The following FAM227B variants were observed in gnomAD, a reference collection of about 807,000 sequenced individuals.
The protein encoded by FAM227B is family with sequence similarity 227 member B.
In FAM227B, 88 loss-of-function variants were observed where a neutral mutation model predicts 73.8. The ratio of observed to expected loss-of-function variants is 1.19; its 90% CI spans 1.00 to 1.42. The LOEUF (loss-of-function observed/expected upper bound fraction) is 1.42, where lower values mean the gene tolerates loss of function less well. FAM227B is among the 40% of genes most tolerant of loss of function. The pLI is 0.00. For missense variants in FAM227B, 632 were observed against 590.9 expected (o/e 1.07, Z -0.72); for synonymous variants, 210 against 190.5 (o/e 1.10, Z -0.84).
At chr15:49,419,464 A>G (rs1429711914) in intron 11 of FAM227B, among the ~76,000 whole-genome samples, 1 of 152,180 alleles carries the variant, frequency 6.6e-6, no homozygotes, top group Non-Finnish European at 1.5e-5. Context: ...TATCTTTTTG[A>G]AAATATGAAG....
Position 49,328,482 on chromosome 15 carries a change from A to T in FAM227B, c.*86T>A. On this transcript the variant is annotated 3_prime_UTR_variant, in exon 16 of 16. Coordinates refer to ENST00000299338, the MANE Select transcript of FAM227B (RefSeq NM_152647.3). ...TCTTAATACTGATTACATGGATTGG[A>T]CTTGAATTAAATATATTGTTACAAT... 1 of 1,554,198 alleles carries T rather than the reference A, an allele frequency of 6.4e-7. No individual in the cohort carries two copies. Among genetic ancestry groups the T allele is most frequent in the Non-Finnish European group, 8.7e-7 (1 of 1,148,420 alleles).
chr15:49,474,546 A>G (rs1366658160), intron 11 of FAM227B, among the ~76,000 whole-genome samples: 12 of 152,216 alleles, frequency 7.9e-5, no homozygotes, highest in Admixed American at 7.2e-4. Flanking sequence ...GAGAGGCATC[A>G]GTAAAAAAAG....
At chr15:49,585,386 T>C (rs1808613491) in intron 5 of FAM227B, among the ~76,000 whole-genome samples, 1 of 152,198 alleles carries the variant, frequency 6.6e-6, no homozygotes, top group African/African-American at 2.4e-5. Context: ...TAAAGACACA[T>C]GCACACGTAT....
intron 13 of FAM227B, among the ~76,000 whole-genome samples, chr15:49,336,691 T>A (rs2039772548): frequency 6.6e-6 from 1 of 152,252 alleles, no homozygotes; most frequent in African/African-American, 2.4e-5. Context: ...CCTTGGTAAG[T>A]ACTTTCTAAA....
At chr15:49,605,540 A>C (rs532724267) in intron 3 of FAM227B, among the ~76,000 whole-genome samples, 1 of 151,636 alleles carries the variant, frequency 6.6e-6, no homozygotes, top group South Asian at 2.1e-4. Context: ...GTGGGCCTCG[A>C]ATCTGTTTTG....
chr15:49,585,572 C>G (rs1359689531), intron 5 of FAM227B, among the ~76,000 whole-genome samples: 1 of 152,128 alleles, frequency 6.6e-6, no homozygotes, highest in African/African-American at 2.4e-5. Context: ...AACCATCATT[C>G]TCAGCAAACT....
chr15:49,525,564 A>T (rs897951135), intron 10 of FAM227B, among the ~76,000 whole-genome samples: 1 of 151,114 alleles, frequency 6.6e-6, no homozygotes, highest in African/African-American at 2.4e-5. Context: ...ATAAAACACT[A>T]AAGTAATTTG....
At chr15:49,619,401 T>C (rs952773609) in intron 1 of FAM227B, among the ~76,000 whole-genome samples, 7 of 152,104 alleles carry the variant, frequency 4.6e-5, no homozygotes, top group Admixed American at 4.6e-4. Flanking sequence ...GTCAGGCAAT[T>C]TTTGCCTTGT....
chr15:49,424,663 T>A, intron 11 of FAM227B: 1 of 1,144,746 alleles, frequency 8.7e-7, no homozygotes, highest in Non-Finnish European at 1.2e-6. Flanking sequence ...TTTCTCATCT[T>A]CCTTTTGCTT....
chr15:49,373,083 T>G (rs1473667528), intron 11 of FAM227B, among the ~76,000 whole-genome samples: 2 of 152,008 alleles, frequency 1.3e-5, no homozygotes, highest in Non-Finnish European at 2.9e-5. Flanking sequence ...CATATAATAC[T>G]TAATATATAT....
intron 3 of FAM227B, among the ~76,000 whole-genome samples, chr15:49,591,639 C>G (rs764934760): frequency 6.6e-6 from 1 of 151,866 alleles, no homozygotes; most frequent in Non-Finnish European, 1.5e-5. Context: ...GCACGTGCCA[C>G]CATGCCCAAC....
intron 5 of FAM227B, among the ~76,000 whole-genome samples, chr15:49,581,198 A>G (rs1276085961): frequency 6.6e-6 from 1 of 152,212 alleles, no homozygotes; most frequent in African/African-American, 2.4e-5. Context: ...GGTTGACACG[A>G]AAGAAAAAAT....
chr15:49,386,436 A>T lies in FAM227B; in HGVS notation c.1013-15037T>A, dbSNP rs1461707421. Among the ~76,000 whole-genome samples, 9 of 152,030 alleles carry T rather than the reference A, an allele frequency of 5.9e-5. 1 individual carries two copies. In the East Asian group the frequency reaches 1.4e-3, roughly 23 times the overall value. The stretch of plus-strand genomic sequence containing the variant: ...AACAATGAAATCAAGATGGAAATTT[A>T]AAAATTATTTGAATTGAATGATGAT... On this transcript the variant is annotated intron_variant, in intron 11 of 15. Coordinates refer to ENST00000299338, the MANE Select transcript of FAM227B (RefSeq NM_152647.3).
At chr15:49,581,197 GA>G in intron 5 of FAM227B, among the ~76,000 whole-genome samples, 1 of 152,156 alleles carries the variant, frequency 6.6e-6, no homozygotes, top group East Asian at 1.9e-4. Context: ...AGGTTGACAC[GA>G]AAGAAAAAAT....
intron 10 of FAM227B, among the ~76,000 whole-genome samples, chr15:49,540,600 G>C (rs1466029202): frequency 2.0e-5 from 3 of 152,056 alleles, no homozygotes; most frequent in Non-Finnish European, 4.4e-5. Flanking sequence ...AATCATATTG[G>C]ATTAGAGCCC....
intron 11 of FAM227B, among the ~76,000 whole-genome samples, chr15:49,442,024 T>A (rs1258421966): frequency 6.6e-6 from 1 of 151,652 alleles, no homozygotes; most frequent in East Asian, 1.9e-4. Context: ...AGATCCATTA[T>A]AGTGTCCAGC....
intron 10 of FAM227B, among the ~76,000 whole-genome samples, chr15:49,534,674 C>T (rs1270330281): frequency 6.6e-6 from 1 of 151,650 alleles, no homozygotes; most frequent in Non-Finnish European, 1.5e-5. Flanking sequence ...GCAAATGGGA[C>T]ATTCTCTAGG....
chr15:49,365,743 C>A (rs1432199840), intron 13 of FAM227B: 6 of 873,254 alleles, frequency 6.9e-6, no homozygotes, highest in Non-Finnish European at 2.0e-6. Context: ...TTGTAAAATC[C>A]AAGCCCACCT....
intron 11 of FAM227B, among the ~76,000 whole-genome samples, chr15:49,408,539 T>C (rs1200158559): frequency 6.6e-6 from 1 of 152,226 alleles, no homozygotes; most frequent in Non-Finnish European, 1.5e-5. Context: ...CGTTTTGAAG[T>C]GAAGATAAAC....
Sources: gnomAD v4.1 joint callset for allele counts (sites outside exome capture counted in the v4.1 genomes callset) on GRCh38, gnomAD v4.1.1 for gene constraint, MANE v1.5 for transcripts, NCBI Gene and HGNC (gene_info 2026-07-23, HGNC 2026-07-21) for gene names.